The following RBFOX1 variants were observed in gnomAD, a reference collection of about 807,000 sequenced individuals.
RBFOX1 encodes the protein RNA binding protein fox-1 homolog 1.
In RBFOX1, 8 loss-of-function variants were observed where a neutral mutation model predicts 57.7. The ratio of observed to expected loss-of-function variants is 0.14; its 90% confidence interval spans 0.08 to 0.25. RBFOX1 has a LOEUF of 0.25. RBFOX1 is among the 10% of genes least tolerant of loss of function. The pLI, the probability that RBFOX1 is intolerant of heterozygous loss-of-function variation, is 1.00. For missense variants in RBFOX1, 611 were observed against 548.5 expected (o/e 1.11, Z -1.14); for synonymous variants, 326 against 222.4 (o/e 1.47, Z -4.15).
intron 2 of RBFOX1, among the ~76,000 whole-genome samples, chr16:6,561,997 T>G (rs956942403): frequency 1.1e-4 from 17 of 152,182 alleles, no homozygotes; most frequent in Non-Finnish European, 2.9e-5. Context: ...ACAAACTGTG[T>G]AGAGATCATT....
At position 6,591,502 on chromosome 16, in the gene RBFOX1, G is replaced by A. The variant is rs184215220; in HGVS notation, c.-63-63101G>A. The stretch of plus-strand genomic sequence containing the variant: ...CTTTGTGTTATGCATATTATACAGA[G>A]CCCTTTCTAAAAAGAACAGCAGGGC... On this transcript the variant is annotated intron_variant, in intron 2 of 15. Transcript: ENST00000550418. Among the ~76,000 whole-genome samples the A allele has an allele frequency of 2.1e-3, 320 of 152,236 alleles. 2 individuals are homozygous for A. The highest frequency in any genetic ancestry group is 7.3e-3 in the African/African-American group (305 of 41,546).
chr16:7,045,685 C>T (rs1255699017), intron 3 of RBFOX1, among the ~76,000 whole-genome samples: 4 of 151,720 alleles, frequency 2.6e-5, no homozygotes, highest in Admixed American at 6.6e-5. Context: ...GACATTGTCT[C>T]GCTTTGTTGC....
At chr16:6,494,911 G>A (rs2095724590) in intron 2 of RBFOX1, among the ~76,000 whole-genome samples, 1 of 152,138 alleles carries the variant, frequency 6.6e-6, no homozygotes, top group Non-Finnish European at 1.5e-5. Flanking sequence ...TGTATTCTAA[G>A]CCTGTTATGT....
chr16:5,864,169 G>A (rs938359352), intron 3 of RBFOX1, among the ~76,000 whole-genome samples: 1 of 152,098 alleles, frequency 6.6e-6, no homozygotes, highest in African/African-American at 2.4e-5. Context: ...GTTTTCTGTT[G>A]CTGTGTTAGT....
At chr16:7,184,073 A>G (rs1567608586) in intron 4 of RBFOX1, among the ~76,000 whole-genome samples, 1 of 152,174 alleles carries the variant, frequency 6.6e-6, no homozygotes, top group Non-Finnish European at 1.5e-5. Context: ...AGAAGAAGGC[A>G]GGATTGGTGA....
intron 4 of RBFOX1, among the ~76,000 whole-genome samples, chr16:7,329,446 G>A (rs1045515181): frequency 6.6e-6 from 1 of 152,190 alleles, no homozygotes; most frequent in African/African-American, 2.4e-5. Flanking sequence ...ACATAGTGTC[G>A]ACCTTCTAGA....
chr16:6,799,154 G>A (rs80220579), intron 3 of RBFOX1, among the ~76,000 whole-genome samples: 1 of 152,038 alleles, frequency 6.6e-6, no homozygotes. Flanking sequence ...AGAGTTCTTA[G>A]CTTTGCTCAG....
At chr16:5,261,045 C>G (rs2062719561) in intron 1 of RBFOX1, 1 of 152,180 alleles carries the variant, frequency 6.6e-6, no homozygotes, top group African/African-American at 2.4e-5. Flanking sequence ...TGTCATTCAT[C>G]ATGGTGGCTG....
chr16:7,303,716 C>G (rs1363776649), intron 4 of RBFOX1, among the ~76,000 whole-genome samples: 2 of 152,010 alleles, frequency 1.3e-5, no homozygotes, highest in Non-Finnish European at 1.5e-5. Flanking sequence ...GTCAAAACCT[C>G]TCTTCCTCTC....
intron 1 of RBFOX1, among the ~76,000 whole-genome samples, chr16:5,282,049 G>C (rs2063284608): frequency 6.6e-6 from 1 of 152,184 alleles, no homozygotes; most frequent in African/African-American, 2.4e-5. Context: ...TTGTGGGAGG[G>C]ACCCAGTGGG....
intron 2 of RBFOX1, among the ~76,000 whole-genome samples, chr16:6,364,351 C>T (rs115605159): frequency 0.017 from 2,583 of 152,296 alleles, 87 homozygotes; most frequent in African/African-American, 0.059. Context: ...CATTTCCTCT[C>T]CTCTTCCTCT....
At chr16:7,340,742 A>C (rs78222803) in intron 4 of RBFOX1, among the ~76,000 whole-genome samples, 1 of 152,210 alleles carries the variant, frequency 6.6e-6, no homozygotes, top group Non-Finnish European at 1.5e-5. Context: ...CATCATTCCA[A>C]AGCACTCGAA....
At chr16:6,826,555 T>TGCGGGCATGCGTGCTC in intron 3 of RBFOX1, among the ~76,000 whole-genome samples, 1 of 152,154 alleles carries the variant, frequency 6.6e-6, no homozygotes, top group Admixed American at 6.5e-5. Context: ...CATACGTGCT[T>TGCGGGCATGCGTGCTC]GCGGGCATGC....
chr16:7,096,123 C>G (rs1283916784), intron 4 of RBFOX1, among the ~76,000 whole-genome samples: 1 of 152,048 alleles, frequency 6.6e-6, no homozygotes, highest in East Asian at 1.9e-4. Context: ...TGATATGATC[C>G]CAATCTTCAT....
At chr16:7,196,382 C>G (rs11642443) in intron 4 of RBFOX1, among the ~76,000 whole-genome samples, 29,946 of 152,202 alleles carry the variant, frequency 0.2, 3,638 homozygotes, top group Non-Finnish European at 0.29. Context: ...CTCCCCAGCC[C>G]CATTTGCCAC....
At chr16:6,883,173 C>T (rs1041926775) in intron 3 of RBFOX1, among the ~76,000 whole-genome samples, 8 of 152,106 alleles carry the variant, frequency 5.3e-5, no homozygotes, top group East Asian at 1.9e-4. Context: ...ATTAAAGATA[C>T]GTTTAATGTT....
intron 3 of RBFOX1, among the ~76,000 whole-genome samples, chr16:6,791,636 G>C (rs2082967485): frequency 6.6e-6 from 1 of 152,168 alleles, no homozygotes; most frequent in Non-Finnish European, 1.5e-5. Flanking sequence ...GTGCGTGCTT[G>C]TAGTCCCAGC....
intron 1 of RBFOX1, among the ~76,000 whole-genome samples, chr16:6,251,590 G>C (rs1257437867): frequency 6.6e-6 from 1 of 152,066 alleles, no homozygotes; most frequent in Non-Finnish European, 1.5e-5. Context: ...TGGAGGTAGG[G>C]GGAGAGAGAG....
chr16:6,935,789 G>C (rs1246009977), intron 3 of RBFOX1, among the ~76,000 whole-genome samples: 5 of 152,164 alleles, frequency 3.3e-5, no homozygotes, highest in African/African-American at 7.2e-5. Flanking sequence ...GGACTGTCAA[G>C]CACAGAGCAT....
Sources: allele counts gnomAD v4.1 joint callset (sites outside exome capture counted in the v4.1 genomes callset), GRCh38; gene constraint gnomAD v4.1.1; transcripts MANE v1.5; gene names NCBI Gene and HGNC (gene_info 2026-07-23, HGNC 2026-07-21).